The following COL24A1 variants were observed in gnomAD, a reference collection of about 807,000 sequenced individuals.
COL24A1 encodes the protein collagen alpha-1(XXIV) chain.
Under a neutral mutation model 253.9 loss-of-function variants are expected in COL24A1, and 224 were observed. The ratio of observed to expected loss-of-function variants is 0.88; its 90% CI spans 0.79 to 0.99. COL24A1 has a LOEUF of 0.99. Ranked by LOEUF, COL24A1 falls within the 50% of genes least tolerant of loss-of-function variation. The probability of loss-of-function intolerance (pLI) is 0.00; values close to 1 mark genes in which losing one functional copy is unlikely to be tolerated. For missense variants in COL24A1, 2,131 were observed against 2,068.5 expected (o/e 1.03, Z -0.59); for synonymous variants, 685 against 673.7 (o/e 1.02, Z -0.26).
intron 53 of COL24A1, among the ~76,000 whole-genome samples, chr1:85,769,725 A>T (rs991896860): frequency 1.3e-5 from 2 of 152,182 alleles, no homozygotes; most frequent in Non-Finnish European, 2.9e-5. Context: ...CTACCAGGAC[A>T]TAGGTTCCCC....
chr1:86,112,421 C>A (rs1372314163), intron 5 of COL24A1, 146 bp downstream of exon 5: 15 of 626,350 alleles, frequency 2.4e-5, no homozygotes, highest in Non-Finnish European at 3.5e-5. Context: ...CAGGCTAAGA[C>A]AATCATGTTG....
chr1:86,011,913 T>C (rs773762429), intron 19 of COL24A1, among the ~76,000 whole-genome samples: 16 of 152,300 alleles, frequency 1.1e-4, no homozygotes, highest in Non-Finnish European at 1.8e-4. Context: ...TTATTGCTGT[T>C]AATCACCTGT....
intron 1 of COL24A1, chr1:86,156,088 G>A (rs564444743): frequency 5.3e-6 from 2 of 379,422 alleles, no homozygotes; most frequent in African/African-American, 4.2e-5. Context: ...TCGCGCCAGC[G>A]AGCTTTTCCT....
rs117711975 is a variant in COL24A1 at position 85,754,888 on chromosome 1, G to T, written c.4437+6508C>A. On this transcript the variant is annotated intron_variant, in intron 55 of 59. Transcript: ENST00000370571. ...ATGAGAGTCTCAGAAGGGGAGGAGA[G>T]AGAAAAGGGGGCACAAAGAATATAT... is the stretch of plus-strand genomic sequence containing the variant. 9.2e-3 allele frequency among the ~76,000 whole-genome samples: 1,403 copies of T among 152,152 alleles called. 57 individuals carry two copies. Among genetic ancestry groups the T allele is most frequent in the Admixed American group, 0.062 (951 of 15,268 alleles).
intron 5 of COL24A1, among the ~76,000 whole-genome samples, chr1:86,108,864 T>A (rs938650455): frequency 6.6e-6 from 1 of 151,776 alleles, no homozygotes; most frequent in Non-Finnish European, 1.5e-5. Context: ...CACTGCAGAT[T>A]GAGAGTTAAA....
At chr1:85,945,101 T>C (rs1689208141) in intron 24 of COL24A1, among the ~76,000 whole-genome samples, 1 of 135,540 alleles carries the variant, frequency 7.4e-6, no homozygotes, top group African/African-American at 2.7e-5. Context: ...CACTGCAACC[T>C]CTGCCTCCCA....
chr1:85,982,279 A>G (rs1409731283), intron 20 of COL24A1, among the ~76,000 whole-genome samples: 1 of 152,130 alleles, frequency 6.6e-6, no homozygotes, highest in Non-Finnish European at 1.5e-5. Context: ...GAGGGCAATG[A>G]GAAGCTGCTG....
At chr1:85,821,707 T>C (rs1159130020) in intron 45 of COL24A1, among the ~76,000 whole-genome samples, 1 of 152,172 alleles carries the variant, frequency 6.6e-6, no homozygotes, top group Non-Finnish European at 1.5e-5. Context: ...GCCTGGATTA[T>C]ACAGAATTTA....
intron 24 of COL24A1, among the ~76,000 whole-genome samples, chr1:85,929,907 C>G (rs1197041549): frequency 1.8e-5 from 2 of 113,476 alleles, no homozygotes; most frequent in African/African-American, 3.5e-5. Context: ...CACCACATAC[C>G]AGAATCTCTG....
chr1:85,781,106 A>G, intron 52 of COL24A1, 114 bp downstream of exon 52: 2 of 719,052 alleles, frequency 2.8e-6, no homozygotes, highest in Non-Finnish European at 4.4e-6. Context: ...GAAAATGTAT[A>G]TCTATTTTTT....
chr1:85,771,380 C>T (rs927040280), intron 53 of COL24A1, among the ~76,000 whole-genome samples: 3 of 152,000 alleles, frequency 2.0e-5, no homozygotes, highest in Non-Finnish European at 4.4e-5. Flanking sequence ...TGATAGTTTG[C>T]TGAGAATGAT....
At chr1:85,814,200 G>T (rs143108941) in intron 47 of COL24A1, among the ~76,000 whole-genome samples, 73 of 152,260 alleles carry the variant, frequency 4.8e-4, no homozygotes, top group Middle Eastern at 3.4e-3. Context: ...TTGGGTTATA[G>T]AATGCAAATA....
At chr1:85,921,072 T>C (rs375043146) in intron 24 of COL24A1, among the ~76,000 whole-genome samples, 23 of 152,156 alleles carry the variant, frequency 1.5e-4, no homozygotes, top group African/African-American at 4.8e-4. Flanking sequence ...GCTCATCTCA[T>C]TGGGACTGGT....
intron 57 of COL24A1, among the ~76,000 whole-genome samples, chr1:85,743,698 A>C (rs2014733): frequency 6.6e-6 from 1 of 152,198 alleles, no homozygotes; most frequent in Non-Finnish European, 1.5e-5. Flanking sequence ...ATTACACTTT[A>C]ATGCCCTCAA....
chr1:86,139,678 T>C (rs1404000776), intron 2 of COL24A1, among the ~76,000 whole-genome samples: 4 of 151,848 alleles, frequency 2.6e-5, no homozygotes, highest in Non-Finnish European at 5.9e-5. Context: ...TTAAATTTAA[T>C]GAATTCTCAC....
At chr1:86,017,465 G>T (rs648355) in intron 18 of COL24A1, among the ~76,000 whole-genome samples, 1 of 151,792 alleles carries the variant, frequency 6.6e-6, no homozygotes, top group African/African-American at 2.4e-5. Context: ...ATCAAGAAAA[G>T]AATTGTATGT....
At chr1:85,777,853 G>A (rs1360119861) in intron 52 of COL24A1, among the ~76,000 whole-genome samples, 2 of 151,988 alleles carry the variant, frequency 1.3e-5, no homozygotes, top group African/African-American at 4.8e-5. Flanking sequence ...GCATTTCTCT[G>A]ACTTAAATTT....
intron 5 of COL24A1, 71 bp downstream of exon 5, chr1:86,112,496 A>C (rs371669101): frequency 8.9e-6 from 12 of 1,343,908 alleles, no homozygotes; most frequent in Non-Finnish European, 1.2e-5. Flanking sequence ...AATGTTAGGG[A>C]TCTTCTTTTT....
intron 47 of COL24A1, among the ~76,000 whole-genome samples, chr1:85,796,389 C>G (rs577980858): frequency 1.3e-5 from 2 of 152,294 alleles, no homozygotes; most frequent in Non-Finnish European, 2.9e-5. Context: ...CTCCTTTACC[C>G]AGGTCTTGAC....
Sources: allele counts gnomAD v4.1 joint callset (sites outside exome capture counted in the v4.1 genomes callset), GRCh38; gene constraint gnomAD v4.1.1; transcripts MANE v1.5; gene names NCBI Gene and HGNC (gene_info 2026-07-23, HGNC 2026-07-21).